The following KIAA1217 variants were observed in gnomAD, a reference collection of about 807,000 sequenced individuals.
KIAA1217 encodes sickle tail protein homolog.
KIAA1217 carries 88 observed loss-of-function variants against 163.9 expected under a neutral mutation model. The ratio of observed to expected loss-of-function variants is 0.54; its 90% CI spans 0.45 to 0.64. KIAA1217 has a LOEUF of 0.64. Ranked by LOEUF, KIAA1217 falls within the 30% of genes least tolerant of loss-of-function variation. The pLI is 0.00. For synonymous variants in KIAA1217, 903 were observed against 923.1 expected, an observed-to-expected ratio of 0.98 and a Z score of 0.39; for missense variants, 2,372 against 2,475.0, an observed-to-expected ratio of 0.96 and a Z score of 0.88.
At chr10:24,415,183 C>T (rs922378986) in intron 3 of KIAA1217, among the ~76,000 whole-genome samples, 1 of 147,280 alleles carries the variant, frequency 6.8e-6, no homozygotes, top group Non-Finnish European at 1.5e-5. Context: ...GGAGTGATCT[C>T]GGCTCACTAC....
intron 2 of KIAA1217, among the ~76,000 whole-genome samples, chr10:24,300,675 C>A (rs2041212160): frequency 6.6e-6 from 1 of 152,170 alleles, no homozygotes; most frequent in Admixed American, 6.5e-5. Context: ...TCAAGCAATT[C>A]TCCTGCCTCA....
chr10:24,268,434 T>G (rs1052820314), intron 2 of KIAA1217, among the ~76,000 whole-genome samples: 1 of 151,804 alleles, frequency 6.6e-6, no homozygotes, highest in East Asian at 1.9e-4. Flanking sequence ...AAGACATTTA[T>G]GCAGCCAAAA....
intron 2 of KIAA1217, among the ~76,000 whole-genome samples, chr10:24,108,796 G>C (rs2062728230): frequency 6.6e-6 from 1 of 152,178 alleles, no homozygotes; most frequent in African/African-American, 2.4e-5. Flanking sequence ...AATGATTGGG[G>C]AGACAAGAGG....
chr10:24,501,484 T>C lies in KIAA1217; in HGVS notation c.1940T>C (p.Leu647Pro). 6.2e-7 allele frequency: 1 copy of C among 1,614,034 alleles called. No homozygotes were observed. Residue 647 changes from leucine (L) to proline (P), a missense_variant, in exon 9 of 21, where the codon CTT becomes CCT. This residue lies in a region of KIAA1217 where 1,431 missense variants were observed against 1,470.3 expected (regional missense o/e 0.97). Coordinates refer to ENST00000376454, the MANE Select transcript of KIAA1217 (RefSeq NM_019590.5). ...ACCTCAGCCATCCACATGAGCCTGC[T>C]TGAGATGAGGCGGAGCGTGGCGGAA... Reference protein sequence around the residue: ...VGTSAIHMSLLEMRRSVAELR... With the variant: ...VGTSAIHMSLPEMRRSVAELR...
At chr10:24,524,125 C>A (rs542085209) in intron 12 of KIAA1217, among the ~76,000 whole-genome samples, 198 bp from the exon 13 acceptor site, 6 of 152,240 alleles carry the variant, frequency 3.9e-5, no homozygotes, top group Middle Eastern at 6.8e-3. Flanking sequence ...TACCCACCCC[C>A]CAAACAATGA....
chr10:23,985,179 G>A (rs1845920855), intron 1 of KIAA1217, among the ~76,000 whole-genome samples: 2 of 152,138 alleles, frequency 1.3e-5, no homozygotes, highest in African/African-American at 4.8e-5. Context: ...TCTTGATTTT[G>A]TGCTTGTCCT....
At chr10:24,017,040 GTTTTTTTTTT>G (rs35042335) in intron 2 of KIAA1217, among the ~76,000 whole-genome samples, 2 of 130,224 alleles carry the variant, frequency 1.5e-5, no homozygotes, top group Non-Finnish European at 3.2e-5. Context: ...TAGTTTTTTT[GTTTTTTTTTT>G]TTTTTTTTGA....
intron 8 of KIAA1217, 82 bp from the exon 9 acceptor site, chr10:24,501,297 C>T: frequency 1.6e-6 from 2 of 1,281,256 alleles, no homozygotes; most frequent in Admixed American, 2.3e-5. Context: ...TTAGAATTAC[C>T]AGTCATCTGC....
chr10:23,889,163 T>C (rs1480662497), intron 1 of KIAA1217, among the ~76,000 whole-genome samples: 3 of 151,988 alleles, frequency 2.0e-5, no homozygotes, highest in Admixed American at 6.6e-5. Context: ...TGTTCATAGA[T>C]GTTTTCATTG....
chr10:24,062,846 T>G (rs558307729), intron 2 of KIAA1217, among the ~76,000 whole-genome samples: 13 of 152,338 alleles, frequency 8.5e-5, no homozygotes, highest in African/African-American at 3.1e-4. Flanking sequence ...TGGTGTGAGA[T>G]GGTATCTCAT....
intron 2 of KIAA1217, among the ~76,000 whole-genome samples, chr10:24,180,350 A>C (rs537736419): frequency 7.0e-6 from 1 of 143,780 alleles, no homozygotes; most frequent in South Asian, 2.2e-4. Flanking sequence ...GCAGTGGCAC[A>C]ATCTCAGCTC....
intron 5 of KIAA1217, among the ~76,000 whole-genome samples, chr10:24,470,668 G>T (rs2063412313): frequency 6.6e-6 from 1 of 152,074 alleles, no homozygotes; most frequent in Admixed American, 6.5e-5. Flanking sequence ...TGAGGGAGGA[G>T]CCTGCATACT....
chr10:23,904,544 A>G (rs1375501700), intron 1 of KIAA1217, among the ~76,000 whole-genome samples: 1 of 152,126 alleles, frequency 6.6e-6, no homozygotes. Context: ...TTTTGCTTCA[A>G]ACACTTCCAC....
chr10:23,699,490 C>T (rs974582961), intron 1 of KIAA1217, among the ~76,000 whole-genome samples: 2 of 152,158 alleles, frequency 1.3e-5, no homozygotes, highest in African/African-American at 4.8e-5. Flanking sequence ...TTGGATGGTG[C>T]TTGCATCTGA....
At chr10:24,139,103 T>G (rs2063949046) in intron 2 of KIAA1217, among the ~76,000 whole-genome samples, 1 of 152,152 alleles carries the variant, frequency 6.6e-6, no homozygotes, top group South Asian at 2.1e-4. Context: ...TTATTTTAGT[T>G]TTCTGTATAA....
chr10:23,788,355 G>C (rs965935716), intron 1 of KIAA1217, among the ~76,000 whole-genome samples: 1 of 152,182 alleles, frequency 6.6e-6, no homozygotes, highest in South Asian at 2.1e-4. Flanking sequence ...TATTTGCCAA[G>C]GAGTTCTCAA....
At chr10:24,259,969 A>T (rs2075564514) in intron 2 of KIAA1217, among the ~76,000 whole-genome samples, 1 of 152,346 alleles carries the variant, frequency 6.6e-6, no homozygotes, top group East Asian at 1.9e-4. Flanking sequence ...AAAAGAGCTC[A>T]GGTGTCTCCC....
chr10:23,775,940 A>G (rs986136143), intron 1 of KIAA1217, among the ~76,000 whole-genome samples: 1 of 152,212 alleles, frequency 6.6e-6, no homozygotes, highest in South Asian at 2.1e-4. Flanking sequence ...TATAACTTCT[A>G]TAACCATAAA....
intron 3 of KIAA1217, among the ~76,000 whole-genome samples, chr10:24,428,408 G>C (rs865793336): frequency 3.9e-5 from 6 of 152,182 alleles, no homozygotes; most frequent in Non-Finnish European, 7.3e-5. Flanking sequence ...CCCTGAAAAA[G>C]CTGAGGGTCA....
Sources: gnomAD v4.1 joint callset for allele counts (sites outside exome capture counted in the v4.1 genomes callset) on GRCh38, gnomAD v4.1.1 for gene constraint, gnomAD v4.1.1 regional missense constraint, MANE v1.5 for transcripts, NCBI Gene and HGNC (gene_info 2026-07-23, HGNC 2026-07-21) for gene names.